INSYN2B: variants seen among roughly 807,000 people sequenced by gnomAD.
INSYN2B encodes the protein inhibitory synaptic factor family member 2B.
In INSYN2B, 16 loss-of-function variants were observed where a neutral mutation model predicts 41.2. The observed-to-expected ratio is 0.39, with a 90% CI of 0.26 to 0.59. The LOEUF is 0.59. Ranked by LOEUF, INSYN2B falls within the 20% of genes least tolerant of loss-of-function variation. The probability of loss-of-function intolerance (pLI) is 0.57; values close to 1 mark genes in which losing one functional copy is unlikely to be tolerated. For synonymous variants in INSYN2B, 245 were observed against 244.4 expected (o/e 1.00, Z -0.02); for missense variants, 608 against 646.4 (o/e 0.94, Z 0.64).
rs116503858 is a variant in INSYN2B at position 169,899,674 on chromosome 5, C to T, written c.-918-14858G>A. Among the ~76,000 whole-genome samples, 1,167 of 152,276 alleles carry T rather than the reference C, an allele frequency of 7.7e-3. 15 individuals are homozygous for T. Among genetic ancestry groups the T allele is most frequent in the African/African-American group, 0.027 (1,130 of 41,560 alleles). ...TGGAAATAGACCTCTCTACATACCACGTTTTGTTGGGAGATGGTATTGCCA... is the reference window on the plus strand; with the variant it reads ...TGGAAATAGACCTCTCTACATACCATGTTTTGTTGGGAGATGGTATTGCCA... On this transcript the variant is annotated intron_variant, in intron 1 of 3. Transcript: ENST00000377365.
chr5:169,964,739 T>C (rs993502201), intron 1 of INSYN2B, among the ~76,000 whole-genome samples: 1 of 152,218 alleles, frequency 6.6e-6, no homozygotes, highest in Non-Finnish European at 1.5e-5. Flanking sequence ...TAGCTGAGTA[T>C]AGTTTCAGAT....
chr5:169,881,194 C>T (rs1483337891), intron 3 of INSYN2B, among the ~76,000 whole-genome samples, 174 bp downstream of exon 3: 1 of 152,186 alleles, frequency 6.6e-6, no homozygotes, highest in Non-Finnish European at 1.5e-5. Context: ...TGCTCATAGA[C>T]TTTGTTCTAA....
intron 1 of INSYN2B, among the ~76,000 whole-genome samples, chr5:169,961,497 G>C (rs564071694): frequency 6.6e-6 from 1 of 152,294 alleles, no homozygotes; most frequent in East Asian, 1.9e-4. Context: ...ACTATTGACT[G>C]TGCACCTTTT....
chr5:169,942,861 G>A (rs1776296947), intron 1 of INSYN2B, among the ~76,000 whole-genome samples: 1 of 152,194 alleles, frequency 6.6e-6, no homozygotes, highest in Non-Finnish European at 1.5e-5. Flanking sequence ...ACCACTGTGT[G>A]TGCTCGCCTC....
intron 1 of INSYN2B, among the ~76,000 whole-genome samples, chr5:169,933,322 T>A (rs1360613897): frequency 6.6e-6 from 1 of 152,186 alleles, no homozygotes; most frequent in Admixed American, 6.5e-5. Context: ...CTGGGGCTAA[T>A]CAAATACAGA....
intron 1 of INSYN2B, among the ~76,000 whole-genome samples, chr5:169,886,251 C>A (rs1772962269): frequency 6.6e-6 from 1 of 152,168 alleles, no homozygotes; most frequent in African/African-American, 2.4e-5. Context: ...ATTTGCCTTG[C>A]CTGTTTGAAG....
At position 169,884,125 on chromosome 5, in the gene INSYN2B, T is replaced by G. The variant is rs924788453; in HGVS notation, c.-227A>C. The G allele has an allele frequency of 5.1e-6, 2 of 392,832 alleles. No individual in the cohort carries two copies. Among genetic ancestry groups the G allele is most frequent in the Non-Finnish European group, 9.0e-6 (2 of 221,754 alleles). 24.3% of individuals were successfully genotyped at this position (392,832 alleles called of 1,614,324 possible). On this transcript the variant is annotated 5_prime_UTR_variant, in exon 2 of 4. It removes an upstream start codon present in the reference 5' UTR. Transcript: ENST00000377365. Reference sequence around the variant, plus strand: ...TCCCTGCAGTTAAAATATTAATTCATTGTAGTCATAATTGCTCCTTGGAAA... The same window carrying G: ...TCCCTGCAGTTAAAATATTAATTCAGTGTAGTCATAATTGCTCCTTGGAAA...
chr5:169,964,954 A>C (rs184677802), intron 1 of INSYN2B, among the ~76,000 whole-genome samples: 1 of 152,310 alleles, frequency 6.6e-6, no homozygotes, highest in Admixed American at 6.5e-5. Flanking sequence ...ATTGGCATTC[A>C]TATCTGTTTT....
At chr5:169,964,917 G>A (rs143536318) in intron 1 of INSYN2B, among the ~76,000 whole-genome samples, 153 of 152,284 alleles carry the variant, frequency 1.0e-3, no homozygotes, top group African/African-American at 3.5e-3. Context: ...AGTCTCCGTC[G>A]CTCATGACTA....
chr5:169,963,017 A>T (rs1388400294), intron 1 of INSYN2B, among the ~76,000 whole-genome samples: 1 of 152,160 alleles, frequency 6.6e-6, no homozygotes, highest in Admixed American at 6.5e-5. Context: ...TGACATTTTG[A>T]TGCTTAAGTG....
intron 1 of INSYN2B, among the ~76,000 whole-genome samples, chr5:169,937,893 T>C (rs1436580357): frequency 1.3e-5 from 2 of 152,230 alleles, no homozygotes; most frequent in African/African-American, 4.8e-5. Flanking sequence ...TTCTCCATTC[T>C]GCCTTTCCAG....
At chr5:169,942,453 C>T (rs1438258162) in intron 1 of INSYN2B, among the ~76,000 whole-genome samples, 2 of 152,174 alleles carry the variant, frequency 1.3e-5, no homozygotes, top group Non-Finnish European at 2.9e-5. Flanking sequence ...CGTCCATGAG[C>T]CACACAGATG....
chr5:169,892,527 A>G lies in INSYN2B; in HGVS notation c.-918-7711T>C, dbSNP rs570079046. Among the ~76,000 whole-genome samples, 237 of 152,290 alleles carry G rather than the reference A, an allele frequency of 1.6e-3. 2 individuals carry two copies. The highest frequency in any genetic ancestry group is 1.7e-3 in the Non-Finnish European group (115 of 68,024). ...GTTCCAGCTCAGGTGCCTCATTTGG[A>G]AACAGACCTAGTGGAGAAGACAGGC... On this transcript the variant is annotated intron_variant, in intron 1 of 3. Coordinates refer to ENST00000377365, the MANE Select transcript of INSYN2B (RefSeq NM_001129891.3).
At position 169,883,653 on chromosome 5, in the gene INSYN2B, G is replaced by T; in HGVS notation, c.246C>A (p.Ser82=). ...RHHLPPTYSL[S]FPRSQKAGGF... ...CCCCTGCCTTCTGGGACCTGGGGAA[G>T]GAGAGCGAGTAGGTGGGGGGAAGAT... The change falls in exon 2 of 4, where the codon TCC becomes TCA. Residue 82 remains serine, a synonymous_variant. Coordinates refer to ENST00000377365, the MANE Select transcript of INSYN2B (RefSeq NM_001129891.3). 1 of 1,551,246 alleles carries T rather than the reference G, an allele frequency of 6.4e-7. No homozygotes were observed.
chr5:169,890,179 A>G (rs1327470967), intron 1 of INSYN2B, among the ~76,000 whole-genome samples: 1 of 152,172 alleles, frequency 6.6e-6, no homozygotes, highest in Non-Finnish European at 1.5e-5. Flanking sequence ...CTCTTCCTCC[A>G]TTTAGCTGGC....
chr5:169,877,998 A>G (rs1772426423), intron 3 of INSYN2B, among the ~76,000 whole-genome samples: 2 of 152,182 alleles, frequency 1.3e-5, no homozygotes. Context: ...CATATTGGAG[A>G]CATTTTACAA....
chr5:169,978,248 G>A (rs367690305), intron 1 of INSYN2B, among the ~76,000 whole-genome samples: 64 of 152,142 alleles, frequency 4.2e-4, no homozygotes, highest in Middle Eastern at 3.4e-3. Flanking sequence ...TTAGGTGAGT[G>A]AGGGTTGCAT....
chr5:169,972,848 A>G (rs1398777187), intron 1 of INSYN2B, among the ~76,000 whole-genome samples: 1 of 152,156 alleles, frequency 6.6e-6, no homozygotes, highest in Non-Finnish European at 1.5e-5. Context: ...GCTGCAGTTA[A>G]GCACTGCGGA....
intron 3 of INSYN2B, among the ~76,000 whole-genome samples, chr5:169,876,046 TC>T (rs1160083425): frequency 1.3e-5 from 2 of 152,146 alleles, no homozygotes; most frequent in East Asian, 3.9e-4. Flanking sequence ...AGAGAAAACA[TC>T]CCTTGCCTTC....
Sources: allele counts gnomAD v4.1 joint callset (sites outside exome capture counted in the v4.1 genomes callset), GRCh38; gene constraint gnomAD v4.1.1; transcripts MANE v1.5; gene names NCBI Gene and HGNC (gene_info 2026-07-23, HGNC 2026-07-21).